The following GPM6A variants were observed in gnomAD, a reference collection of about 807,000 sequenced individuals.
GPM6A encodes the protein neuronal membrane glycoprotein M6-a.
In GPM6A, 7 loss-of-function variants were observed where a neutral mutation model predicts 32.1. The ratio of observed to expected loss-of-function variants is 0.22; its 90% CI spans 0.12 to 0.41. The LOEUF is 0.41. GPM6A is among the 10% of genes least tolerant of loss of function. GPM6A has a pLI of 1.00. For synonymous variants in GPM6A, 130 were observed against 123.4 expected (o/e 1.05, Z -0.35); for missense variants, 235 against 347.2 (o/e 0.68, Z 2.57).
At chr4:175,718,394 T>G (rs186369409) in intron 1 of GPM6A, among the ~76,000 whole-genome samples, 1 of 152,108 alleles carries the variant, frequency 6.6e-6, no homozygotes, top group Admixed American at 6.6e-5. Flanking sequence ...GGTGGGAGGA[T>G]CAGTTGAGGT....
chr4:175,864,602 A>G (rs1736673935), intron 1 of GPM6A, among the ~76,000 whole-genome samples: 1 of 152,108 alleles, frequency 6.6e-6, no homozygotes, highest in South Asian at 2.1e-4. Context: ...ACTTTTCACT[A>G]CTTCAAGTGT....
At chr4:175,941,643 T>C (rs11947548) in intron 1 of GPM6A, among the ~76,000 whole-genome samples, 15,691 of 152,178 alleles carry the variant, frequency 0.1, 883 homozygotes, top group South Asian at 0.24. Flanking sequence ...ACATGCAGTG[T>C]TTGGTTTTCT....
At chr4:175,725,120 C>T (rs996622039) in intron 1 of GPM6A, among the ~76,000 whole-genome samples, 2 of 152,088 alleles carry the variant, frequency 1.3e-5, no homozygotes, top group South Asian at 2.1e-4. Context: ...TTCTCATTTA[C>T]CTGCTCATAC....
At chr4:175,887,227 T>C (rs1737489423) in intron 1 of GPM6A, among the ~76,000 whole-genome samples, 1 of 151,958 alleles carries the variant, frequency 6.6e-6, no homozygotes, top group Admixed American at 6.6e-5. Flanking sequence ...ATTTATATAA[T>C]GTTCATAATG....
chr4:175,675,834 T>G (rs1743334883), intron 2 of GPM6A, among the ~76,000 whole-genome samples: 1 of 151,972 alleles, frequency 6.6e-6, no homozygotes, highest in African/African-American at 2.4e-5. Context: ...GTTTTTTTTG[T>G]AGAGACGGGG....
chr4:175,964,119 GAAAC>G (rs890372957), intron 1 of GPM6A, among the ~76,000 whole-genome samples: 18 of 151,106 alleles, frequency 1.2e-4, no homozygotes, highest in Admixed American at 1.2e-3. Context: ...GAGAGAGAAA[GAAAC>G]AAAGAGCAGG....
chr4:175,980,976 A>G (rs1484084637), intron 1 of GPM6A, among the ~76,000 whole-genome samples: 1 of 152,226 alleles, frequency 6.6e-6, no homozygotes, highest in African/African-American at 2.4e-5. Context: ...TATCACTTCG[A>G]CTATGTCTAA....
intron 1 of GPM6A, among the ~76,000 whole-genome samples, chr4:175,916,979 A>T (rs1424832635): frequency 6.6e-6 from 1 of 152,206 alleles, no homozygotes; most frequent in Non-Finnish European, 1.5e-5. Flanking sequence ...GTTTATGGGC[A>T]TTCTCCTACC....
At chr4:175,766,313 G>C (rs1044033064) in intron 1 of GPM6A, among the ~76,000 whole-genome samples, 1 of 152,098 alleles carries the variant, frequency 6.6e-6, no homozygotes, top group African/African-American at 2.4e-5. Flanking sequence ...GAACACAAAA[G>C]GGTTAGAAAG....
intron 1 of GPM6A, among the ~76,000 whole-genome samples, chr4:175,900,337 G>A (rs144420113): frequency 5.1e-4 from 35 of 68,508 alleles, no homozygotes; most frequent in Non-Finnish European, 5.9e-4. Flanking sequence ...GGAAAGGAAA[G>A]GAAAGGAAAG....
At position 175,937,140 on chromosome 4, in the gene GPM6A, A is replaced by G. The variant is rs147287655; in HGVS notation, c.-23+65169T>C. 7.6e-3 allele frequency among the ~76,000 whole-genome samples: 1,157 copies of G among 152,226 alleles called. 10 individuals carry two copies. The highest frequency in any genetic ancestry group is 0.026 in the African/African-American group (1,075 of 41,552). ...AGTTTTGGGAGATGGCAATTTATCAAAATATTAAAATTATTAATGTGCTTC... is the reference window on the plus strand; with the variant it reads ...AGTTTTGGGAGATGGCAATTTATCAGAATATTAAAATTATTAATGTGCTTC... On this transcript the variant is annotated intron_variant, in intron 1 of 7. Coordinates refer to the GPM6A transcript ENST00000280187.
intron 1 of GPM6A, among the ~76,000 whole-genome samples, chr4:175,725,278 T>C (rs1159641816): frequency 1.4e-5 from 2 of 140,062 alleles, no homozygotes; most frequent in African/African-American, 5.2e-5. Context: ...TTTTAATGCA[T>C]TATGTTTTGG....
At chr4:175,973,817 GC>G (rs1477734883) in intron 1 of GPM6A, among the ~76,000 whole-genome samples, 1 of 152,076 alleles carries the variant, frequency 6.6e-6, no homozygotes, top group Non-Finnish European at 1.5e-5. Flanking sequence ...CGCCACCGCC[GC>G]TTGTCTTATC....
intron 1 of GPM6A, among the ~76,000 whole-genome samples, chr4:175,773,699 G>A (rs1348946760): frequency 2.0e-5 from 3 of 152,026 alleles, no homozygotes; most frequent in South Asian, 2.1e-4. Flanking sequence ...GAAAAGGATT[G>A]GCTATCACTG....
upstream of GPM6A, among the ~76,000 whole-genome samples, chr4:175,814,689 A>C (rs1305153128): frequency 1.3e-5 from 2 of 152,190 alleles, no homozygotes; most frequent in African/African-American, 4.8e-5. Context: ...TAAAATATAC[A>C]AAAAAGTCCT....
chr4:175,660,959 A>C (rs1742374519), intron 3 of GPM6A, among the ~76,000 whole-genome samples: 1 of 152,212 alleles, frequency 6.6e-6, no homozygotes, highest in Admixed American at 6.5e-5. Context: ...TGGTTATTCT[A>C]ACTTTCATTT....
intron 1 of GPM6A, among the ~76,000 whole-genome samples, chr4:175,732,482 T>C (rs989022746): frequency 2.0e-5 from 3 of 152,170 alleles, no homozygotes; most frequent in Non-Finnish European, 4.4e-5. Flanking sequence ...TATATATACA[T>C]CATGTTTGTC....
upstream of GPM6A, among the ~76,000 whole-genome samples, chr4:175,814,771 A>C (rs1372510998): frequency 6.6e-6 from 1 of 152,204 alleles, no homozygotes; most frequent in Admixed American, 6.5e-5. Context: ...TCCTCACAGC[A>C]ATCACCTGTC....
At chr4:175,819,027 T>C (rs991371145) in intron 1 of GPM6A, among the ~76,000 whole-genome samples, 6 of 152,214 alleles carry the variant, frequency 3.9e-5, no homozygotes, top group African/African-American at 1.4e-4. Context: ...ATAAAGGTGA[T>C]CCAAATTTTA....
Sources: allele counts gnomAD v4.1 joint callset (sites outside exome capture counted in the v4.1 genomes callset), GRCh38; gene constraint gnomAD v4.1.1; transcripts MANE v1.5; gene names NCBI Gene and HGNC (gene_info 2026-07-23, HGNC 2026-07-21).